The following ADNP variants were observed in gnomAD, a reference collection of about 807,000 sequenced individuals.
ADNP encodes activity dependent neuroprotector homeobox, also known as activity-dependent neuroprotector homeobox protein.
ADNP carries 4 observed loss-of-function variants against 84.9 expected under a neutral mutation model. The ratio of observed to expected loss-of-function variants is 0.05; its 90% CI spans 0.02 to 0.11. The LOEUF (loss-of-function observed/expected upper bound fraction) is 0.11. ADNP is among the 10% of genes least tolerant of loss of function. The pLI, the probability that ADNP is intolerant of heterozygous loss-of-function variation, is 1.00. For missense variants in ADNP, 1,132 were observed against 1,326.0 expected, an observed-to-expected ratio of 0.85 and a Z score of 2.27; for synonymous variants, 554 against 468.1, an observed-to-expected ratio of 1.18 and a Z score of -2.37.
Position 50,890,896 on chromosome 20 carries a change from C to T in ADNP, c.*509G>A, listed in dbSNP as rs763145431. 2.0e-6 allele frequency: 2 copies of T among 980,764 alleles called. No homozygotes were observed. The highest frequency in any genetic ancestry group is 2.4e-6 in the Non-Finnish European group (2 of 825,612). The allele number at this position is 980,764 out of a possible 1,614,324, so 60.8% of individuals were successfully genotyped here. On this transcript the variant is annotated 3_prime_UTR_variant, in exon 6 of 6. Transcript: ENST00000621696. ...TAAAAAAAGAAATCTATGATGGGCA[C>T]ACAGTAACAGGATCATGAGCATCAC... is the stretch of plus-strand genomic sequence containing the variant.
In ADNP at chr20:50,889,886, G is replaced by A; in HGVS notation, c.*1519C>T. 1 of 398,524 alleles carries A rather than the reference G, an allele frequency of 2.5e-6. No homozygotes were observed. Among genetic ancestry groups the A allele is most frequent in the Non-Finnish European group, 4.4e-6 (1 of 226,056 alleles). 24.7% of individuals were successfully genotyped at this position (398,524 alleles called of 1,614,324 possible). A position where few individuals can be genotyped will look rare whatever the true frequency, so the allele number is the denominator to read the frequency against. The stretch of plus-strand genomic sequence containing the variant: ...CCTTAATAGCAAGAGGGCCAAGAGT[G>A]GCAAATAGAGGCAGAGCCGCCTGCA... On this transcript the variant is annotated 3_prime_UTR_variant, in exon 6 of 6. Transcript: ENST00000621696.
At chr20:50,903,026 G>T (rs976737889) in intron 4 of ADNP, among the ~76,000 whole-genome samples, 6 of 152,210 alleles carry the variant, frequency 3.9e-5, no homozygotes, top group African/African-American at 9.6e-5. Flanking sequence ...CCTGTTGTAT[G>T]AATGAATTTG....
In ADNP at chr20:50,889,979, A is replaced by C. The variant is rs1165767867; in HGVS notation, c.*1426T>G. On this transcript the variant is annotated 3_prime_UTR_variant, in exon 6 of 6. Transcript: ENST00000621696. ...TCATCTAGAAGAAAAAACAAACAAA[A>C]AACCCATCAGGCTATTAAGATTCTG... 1 of 397,918 alleles carries C rather than the reference A, an allele frequency of 2.5e-6. No homozygotes were observed. The highest frequency in any genetic ancestry group is 4.4e-6 in the Non-Finnish European group (1 of 225,860). The allele number at this position is 397,918 out of a possible 1,614,324, so 24.6% of individuals were successfully genotyped here.
chr20:50,891,816 T>C lies in ADNP; in HGVS notation c.2898A>G (p.Lys966=). The change falls in exon 6 of 6, where the codon AAA becomes AAG. Residue 966 remains lysine, a synonymous_variant. Transcript: ENST00000621696. ...CACTCTCAGATGGAGAAGCACCGTC[T>C]TTCCACTCAACAACATCGTCTTGGT... ...EVDQDDVVEW[K]DGASPSESGP... 1 of 1,614,210 alleles carries C rather than the reference T, an allele frequency of 6.2e-7. No homozygotes were observed. Among genetic ancestry groups the C allele is most frequent in the East Asian group, 2.2e-5 (1 of 44,878 alleles).
At chr20:50,897,858 G>T (rs1380495594) in intron 5 of ADNP, among the ~76,000 whole-genome samples, 1 of 152,192 alleles carries the variant, frequency 6.6e-6, no homozygotes, top group Non-Finnish European at 1.5e-5. Context: ...CACTTCGCAG[G>T]CATATCTATT....
intron 2 of ADNP, among the ~76,000 whole-genome samples, chr20:50,922,522 G>GC (rs1302601717): frequency 6.7e-6 from 1 of 150,306 alleles, no homozygotes; most frequent in Non-Finnish European, 1.5e-5. Context: ...CTCTGGGGGC[G>GC]CCACCCTCCA....
chr20:50,927,433 CTACT>C (rs1184544036), intron 2 of ADNP, among the ~76,000 whole-genome samples: 1 of 152,200 alleles, frequency 6.6e-6, no homozygotes, highest in Non-Finnish European at 1.5e-5. Flanking sequence ...AAAGGAATTT[CTACT>C]TAAAGTTCAG....
At chr20:50,920,088 C>T (rs923512967) in intron 2 of ADNP, among the ~76,000 whole-genome samples, 1 of 150,392 alleles carries the variant, frequency 6.6e-6, no homozygotes, top group Non-Finnish European at 1.5e-5. Context: ...ACCAGCCTGG[C>T]GAATATGGTG....
chr20:50,925,603 A>G (rs139990643), intron 2 of ADNP, among the ~76,000 whole-genome samples: 18 of 152,336 alleles, frequency 1.2e-4, no homozygotes, highest in African/African-American at 4.1e-4. Flanking sequence ...GTATCTCAAC[A>G]ATCAAGGTGG....
At chr20:50,898,440 T>C (rs1022080870) in intron 5 of ADNP, among the ~76,000 whole-genome samples, 2 of 152,226 alleles carry the variant, frequency 1.3e-5, no homozygotes, top group African/African-American at 2.4e-5. Context: ...ATCCAGGTCA[T>C]CAGAAGCTTG....
In ADNP at chr20:50,889,947, T is replaced by C. The variant is rs551718775; in HGVS notation, c.*1458A>G. On this transcript the variant is annotated 3_prime_UTR_variant, in exon 6 of 6. Coordinates refer to ENST00000621696, the MANE Select transcript of ADNP (RefSeq NM_001282531.3). ...TCCCATCGTAAGGTGAAAACGAACG[T>C]TTAACTTCATCTAGAAGAAAAAACA... 1 of 382,082 alleles carries C rather than the reference T, an allele frequency of 2.6e-6. No homozygotes were observed. The highest frequency in any genetic ancestry group is 1.3e-4 in the South Asian group (1 of 7,588). 23.7% of individuals were successfully genotyped at this position (382,082 alleles called of 1,614,324 possible). A position where few individuals can be genotyped will look rare whatever the true frequency, so the allele number is the denominator to read the frequency against.
rs768008532 is a variant in ADNP at position 50,891,145 on chromosome 20, C to T, written c.*260G>A. ...AAAAGGCAGATAAAATAAACCTCTGCTTTTCCTCGTGTGTATTCATGAGTC... is the reference window on the plus strand; with the variant it reads ...AAAAGGCAGATAAAATAAACCTCTGTTTTTCCTCGTGTGTATTCATGAGTC... On this transcript the variant is annotated 3_prime_UTR_variant, in exon 6 of 6. Transcript: ENST00000621696. 138 of 1,254,304 alleles carry T rather than the reference C, an allele frequency of 1.1e-4. No homozygotes were observed. The highest frequency in any genetic ancestry group is 1.2e-4 in the Non-Finnish European group (122 of 1,000,540). 77.7% of individuals were successfully genotyped at this position (1,254,304 alleles called of 1,614,324 possible).
At chr20:50,897,589 A>G (rs2122787359) in intron 5 of ADNP, among the ~76,000 whole-genome samples, 1 of 152,320 alleles carries the variant, frequency 6.6e-6, no homozygotes, top group South Asian at 2.1e-4. Context: ...AGCCCAAGCA[A>G]GATTCTTAAT....
At chr20:50,930,741 G>C (rs1480155626) in intron 1 of ADNP, 85 bp downstream of exon 1, 1 of 151,220 alleles carries the variant, frequency 6.6e-6, no homozygotes, top group Non-Finnish European at 1.5e-5. Context: ...CCCGGGGCCA[G>C]GCTGCACTGG....
chr20:50,928,058 C>T (rs1247783037), intron 2 of ADNP, among the ~76,000 whole-genome samples: 2 of 152,162 alleles, frequency 1.3e-5, no homozygotes, highest in African/African-American at 4.8e-5. Flanking sequence ...ATTGTAGAAG[C>T]AATGTCTCTA....
At chr20:50,900,472 G>GT (rs758812943) in intron 5 of ADNP, among the ~76,000 whole-genome samples, 6 of 152,184 alleles carry the variant, frequency 3.9e-5, no homozygotes, top group Non-Finnish European at 8.8e-5. Flanking sequence ...GTAAATAACT[G>GT]TATGTGCTAT....
chr20:50,910,218 TAAAAAAA>T (rs908635267), intron 2 of ADNP, among the ~76,000 whole-genome samples: 4 of 151,786 alleles, frequency 2.6e-5, no homozygotes, highest in Non-Finnish European at 5.9e-5. Context: ...TTTCATGAAG[TAAAAAAA>T]CAAAAAACAC....
chr20:50,906,000 C>G (rs957469111), intron 2 of ADNP, among the ~76,000 whole-genome samples: 6 of 152,138 alleles, frequency 3.9e-5, no homozygotes, highest in Non-Finnish European at 8.8e-5. Flanking sequence ...ATCACGAGGT[C>G]AAGAGATCGA....
rs1027377522 is a variant in ADNP, at chr20:50,917,572, C to CT, written c.-90+11078dup. 2.8e-4 allele frequency among the ~76,000 whole-genome samples: 43 copies of CT among 152,172 alleles called. 1 individual carries two copies. The highest frequency in any genetic ancestry group is 7.4e-5 in the Non-Finnish European group (5 of 68,020). ...TTATTATCTTCCCATTGTGAATACT[C>CT]TAAGCATGTTCTTCTGAAAGTCCCT... On this transcript the variant is annotated intron_variant, in intron 2 of 5. Coordinates refer to ENST00000621696, the MANE Select transcript of ADNP (RefSeq NM_001282531.3).
Sources: allele counts gnomAD v4.1 joint callset (sites outside exome capture counted in the v4.1 genomes callset), GRCh38; gene constraint gnomAD v4.1.1; transcripts MANE v1.5; gene names NCBI Gene and HGNC (gene_info 2026-07-23, HGNC 2026-07-21).